Variants in RAB32 observed in about 807,000 individuals in gnomAD.
RAB32 encodes the protein RAB32, member RAS oncogene family, also known as ras-related protein Rab-32.
A neutral mutation model predicts 17.5 loss-of-function variants in RAB32; 17 were observed. That is an observed-to-expected ratio of 0.97 (90% confidence interval 0.67 to 1.46). RAB32 has a LOEUF of 1.46. Ranked by LOEUF, RAB32 falls within the 40% of genes most tolerant of loss-of-function variation. The pLI, the probability that RAB32 is intolerant of heterozygous loss-of-function variation, is 0.00. For missense variants in RAB32, 288 were observed against 284.3 expected (o/e 1.01, Z -0.09); for synonymous variants, 115 against 111.1 (o/e 1.04, Z -0.22).
chr6:146,543,952 G>C lies in RAB32; in HGVS notation c.81G>C (p.Lys27Asn). The C allele has an allele frequency of 6.2e-7, 1 of 1,613,028 alleles. No homozygotes were observed. The highest frequency in any genetic ancestry group is 1.3e-5 in the African/African-American group (1 of 75,006). ...CCGAGACCCGCGAGCACCTCTTCAA[G>C]GTGCTGGTGATCGGCGAGCTTGGCG... ...PAPETREHLF[K>N]VLVIGELGVG... The change falls in exon 1 of 3, where the codon AAG becomes AAC. Residue 27 changes from lysine (K) to asparagine (N), a missense_variant. Transcript: ENST00000367495.
intron 2 of RAB32, among the ~76,000 whole-genome samples, chr6:146,553,371 T>C (rs1779918575): frequency 6.6e-6 from 1 of 152,190 alleles, no homozygotes; most frequent in Admixed American, 6.5e-5. Flanking sequence ...CAAAAACAAC[T>C]TGAAGCAGTG....
At position 146,549,693 on chromosome 6, in the gene RAB32, A is replaced by G. The variant is rs758232900; in HGVS notation, c.480A>G (p.Gln160=). The G allele has an allele frequency of 1.7e-5, 27 of 1,614,214 alleles. No homozygotes were observed. Among genetic ancestry groups the G allele is most frequent in the East Asian group, 2.2e-5 (1 of 44,884 alleles). ...GCCAGAGTCCTTCCCAGGTGGACCA[A>G]TTCTGCAAAGAACATGGCTTTGCCG... ...DSSQSPSQVD[Q]FCKEHGFAGW... is the part of the protein sequence containing the mutation. The change falls in exon 2 of 3, where the codon CAA becomes CAG. Residue 160 remains glutamine (Q), a synonymous_variant. Coordinates refer to ENST00000367495, the MANE Select transcript of RAB32 (RefSeq NM_006834.5).
At chr6:146,551,668 G>C (rs1362058332) in intron 2 of RAB32, among the ~76,000 whole-genome samples, 1 of 151,502 alleles carries the variant, frequency 6.6e-6, no homozygotes, top group African/African-American at 2.4e-5. Flanking sequence ...ATAAATGATA[G>C]ACAAAATTCC....
rs1779934108 is a variant in RAB32 at position 146,554,437 on chromosome 6, C to A, written c.529-19C>A. The stretch of plus-strand genomic sequence containing the variant: ...ATTAATCCTAAAAATTAATCCCGTT[C>A]TTCATTTCTGCATTACAGGATAACA... On this transcript the variant is annotated intron_variant, in intron 2 of 2. Transcript: ENST00000367495. 1 of 1,588,078 alleles carries A rather than the reference C, an allele frequency of 6.3e-7. No individual in the cohort carries two copies. Among genetic ancestry groups the A allele is most frequent in the South Asian group, 1.2e-5 (1 of 86,380 alleles).
intron 2 of RAB32, among the ~76,000 whole-genome samples, chr6:146,550,252 A>G (rs896411380): frequency 1.3e-5 from 2 of 152,228 alleles, no homozygotes; most frequent in Admixed American, 1.3e-4. Flanking sequence ...GGTATGCTTC[A>G]TAAACAGTAG....
intron 1 of RAB32, among the ~76,000 whole-genome samples, chr6:146,545,291 C>A (rs888410254): frequency 6.6e-6 from 1 of 150,610 alleles, no homozygotes; most frequent in Non-Finnish European, 1.5e-5. Context: ...AAAAAAAGTA[C>A]GAAAATTACT....
chr6:146,548,095 C>T (rs976053712), intron 1 of RAB32, among the ~76,000 whole-genome samples: 1 of 152,192 alleles, frequency 6.6e-6, no homozygotes, highest in South Asian at 2.1e-4. Flanking sequence ...TAAATGTCAG[C>T]ATTATGAGCC....
intron 2 of RAB32, among the ~76,000 whole-genome samples, 195 bp downstream of exon 2, chr6:146,549,936 G>A (rs747323241): frequency 3.9e-5 from 6 of 152,200 alleles, no homozygotes; most frequent in Admixed American, 1.3e-4. Context: ...TAATAGAAGG[G>A]CAGATTTTCC....
rs374801392 is a variant in RAB32 at position 146,543,944 on chromosome 6, C to T, written c.73C>T (p.Leu25Phe). The change falls in exon 1 of 3, where the codon CTC becomes TTC. Residue 25 changes from leucine (L) to phenylalanine (F), a missense_variant. Leu to Phe is a conservative substitution (Grantham distance 22). Transcript: ENST00000367495. ...CCCAGCGCCCGAGACCCGCGAGCAC[C>T]TCTTCAAGGTGCTGGTGATCGGCGA... The part of the protein sequence containing the change: ...AAPAPETREH[L>F]FKVLVIGELG... 9.3e-6 allele frequency: 15 copies of T among 1,612,112 alleles called. No homozygotes were observed. In the Middle Eastern group the frequency reaches 8.4e-4, roughly 91 times the overall value.
chr6:146,547,646 C>CT (rs1158175178), intron 1 of RAB32, among the ~76,000 whole-genome samples: 1 of 143,492 alleles, frequency 7.0e-6, no homozygotes, highest in Non-Finnish European at 1.5e-5. Flanking sequence ...ATCCCTTTGT[C>CT]TTTTTTTTCA....
At chr6:146,550,729 G>A (rs187359727) in intron 2 of RAB32, among the ~76,000 whole-genome samples, 1 of 142,924 alleles carries the variant, frequency 7.0e-6, no homozygotes, top group African/African-American at 2.9e-5. Context: ...ATGTTTGGGG[G>A]GGGGGTTACG....
intron 1 of RAB32, among the ~76,000 whole-genome samples, chr6:146,546,432 CA>C (rs3840129): frequency 0.52 from 75,429 of 145,972 alleles, 23,295 homozygotes; most frequent in Non-Finnish European, 0.69. Flanking sequence ...AGACCAAAAA[CA>C]AAAAAAAAAC....
intron 2 of RAB32, among the ~76,000 whole-genome samples, chr6:146,553,446 T>G (rs57030976): frequency 0.012 from 1,894 of 152,256 alleles, 31 homozygotes; most frequent in African/African-American, 0.043. Flanking sequence ...ATACATACGT[T>G]GAATTTAATG....
At chr6:146,547,783 G>A (rs1779842253) in intron 1 of RAB32, among the ~76,000 whole-genome samples, 2 of 148,606 alleles carry the variant, frequency 1.3e-5, no homozygotes, top group East Asian at 3.9e-4. Context: ...TAACTTCTAG[G>A]TTTCTAACTG....
At position 146,549,723 on chromosome 6, in the gene RAB32, G is replaced by C. The variant is rs775669098; in HGVS notation, c.510G>C (p.Trp170Cys). Reference sequence around the variant, plus strand: ...GCAAAGAACATGGCTTTGCCGGATGGTTTGAAACCTCTGCAAAGGTGAGAT... The same window carrying C: ...GCAAAGAACATGGCTTTGCCGGATGCTTTGAAACCTCTGCAAAGGTGAGAT... ...QFCKEHGFAG[W>C]FETSAKDNIN... Residue 170 changes from tryptophan to cysteine, a missense_variant, in exon 2 of 3, where the codon TGG (tryptophan) becomes TGC (cysteine). Physicochemically the swap from Trp to Cys is radical, Grantham distance 215. Coordinates refer to ENST00000367495, the MANE Select transcript of RAB32 (RefSeq NM_006834.5). The C allele has an allele frequency of 5.6e-6, 9 of 1,614,022 alleles. No individual in the cohort carries two copies. The South Asian group carries it at 6.6e-5, about 12-fold the overall frequency.
chr6:146,551,689 C>G (rs2114786474), intron 2 of RAB32, among the ~76,000 whole-genome samples: 1 of 152,118 alleles, frequency 6.6e-6, no homozygotes, highest in Non-Finnish European at 1.5e-5. Context: ...CCTTTAGGCT[C>G]TATTTAATCT....
intron 1 of RAB32, among the ~76,000 whole-genome samples, chr6:146,548,126 G>T (rs1583536226): frequency 6.6e-6 from 1 of 152,100 alleles, no homozygotes; most frequent in Non-Finnish European, 1.5e-5. Context: ...ATAATGGTCA[G>T]ATTTACATCA....
At chr6:146,551,519 A>T (rs1453644830) in intron 2 of RAB32, among the ~76,000 whole-genome samples, 1 of 150,624 alleles carries the variant, frequency 6.6e-6, no homozygotes, top group East Asian at 2.0e-4. Context: ...TCTTCTGGAC[A>T]CTCATGCCCT....
chr6:146,544,955 T>C (rs1055710870), intron 1 of RAB32, among the ~76,000 whole-genome samples: 2 of 152,018 alleles, frequency 1.3e-5, no homozygotes, highest in African/African-American at 4.8e-5. Flanking sequence ...ATAGAAATGG[T>C]ACCAAGCCAA....
Sources: gnomAD v4.1 joint callset for allele counts (sites outside exome capture counted in the v4.1 genomes callset) on GRCh38, gnomAD v4.1.1 for gene constraint, MANE v1.5 for transcripts, NCBI Gene and HGNC (gene_info 2026-07-23, HGNC 2026-07-21) for gene names.